The following SMURF2 variants were observed in gnomAD, a reference collection of about 807,000 sequenced individuals.
SMURF2 encodes SMAD specific E3 ubiquitin protein ligase 2, also known as E3 ubiquitin-protein ligase SMURF2.
A neutral mutation model predicts 109.6 loss-of-function variants in SMURF2; 48 were observed. That is an observed-to-expected ratio of 0.44 (90% CI 0.35 to 0.56). SMURF2 has a LOEUF of 0.56. Ranked by LOEUF, SMURF2 falls within the 20% of genes least tolerant of loss-of-function variation. The probability of loss-of-function intolerance (pLI) is 0.01; values close to 1 mark genes in which losing one functional copy is unlikely to be tolerated. For synonymous variants in SMURF2, 288 were observed against 317.1 expected (o/e 0.91, Z 0.97); for missense variants, 575 against 909.0 (o/e 0.63, Z 4.72).
intron 1 of SMURF2, among the ~76,000 whole-genome samples, chr17:64,627,576 C>T (rs1970285151): frequency 6.6e-6 from 1 of 152,164 alleles, no homozygotes; most frequent in South Asian, 2.1e-4. Flanking sequence ...CAGACCTCTC[C>T]CCTAATATCC....
intron 2 of SMURF2, among the ~76,000 whole-genome samples, chr17:64,603,603 T>C (rs1969929681): frequency 6.8e-6 from 1 of 147,450 alleles, no homozygotes; most frequent in African/African-American, 2.5e-5. Context: ...AAAAAAAACA[T>C]AATGAATAAA....
At chr17:64,549,703 A>G (rs1415351830) in intron 16 of SMURF2, among the ~76,000 whole-genome samples, 2 of 152,200 alleles carry the variant, frequency 1.3e-5, no homozygotes, top group East Asian at 3.8e-4. Context: ...GGTTGCGGTA[A>G]GTGGAGATTG....
intron 11 of SMURF2, among the ~76,000 whole-genome samples, chr17:64,561,899 C>G (rs1405606900): frequency 6.6e-6 from 1 of 152,076 alleles, no homozygotes; most frequent in Non-Finnish European, 1.5e-5. Context: ...ACTTGGAAGG[C>G]TAAGGTGGGA....
At position 64,576,451 on chromosome 17, in the gene SMURF2, G is replaced by C. The variant is rs574460964; in HGVS notation, c.857+2041C>G. 3.3e-4 allele frequency among the ~76,000 whole-genome samples: 50 copies of C among 151,848 alleles called. 3 individuals carry two copies. Among genetic ancestry groups the C allele is most frequent in the African/African-American group, 1.2e-3 (49 of 41,296 alleles). ...GGTCGAGGTGAGCAAATCACCTGAG[G>C]TCAGGTGCTCAAGACAAGCCTGGAC... is the stretch of plus-strand genomic sequence containing the variant. On this transcript the variant is annotated intron_variant, in intron 9 of 18. Coordinates refer to ENST00000262435, the MANE Select transcript of SMURF2 (RefSeq NM_022739.4).
chr17:64,548,538 C>T (rs1474442955), intron 16 of SMURF2, among the ~76,000 whole-genome samples: 1 of 152,152 alleles, frequency 6.6e-6, no homozygotes, highest in South Asian at 2.1e-4. Flanking sequence ...CAGGCATGCA[C>T]CACAATGCCC....
At chr17:64,578,784 T>C (rs1969535601) in intron 8 of SMURF2, among the ~76,000 whole-genome samples, 1 of 152,214 alleles carries the variant, frequency 6.6e-6, no homozygotes, top group Admixed American at 6.5e-5. Context: ...CAGCTATCCA[T>C]AAACAAACTA....
Position 64,566,632 on chromosome 17 carries a change from C to A in SMURF2, c.1017-3666G>T, listed in dbSNP as rs1430059874. Among the ~76,000 whole-genome samples the A allele has an allele frequency of 5.1e-5, 6 of 118,032 alleles. No homozygotes were observed. In the South Asian group the frequency reaches 8.8e-4, roughly 17 times the overall value. 77.4% of individuals were successfully genotyped at this position (118,032 alleles called of 152,430 possible). On this transcript the variant is annotated intron_variant, in intron 10 of 18. Coordinates refer to ENST00000262435, the MANE Select transcript of SMURF2 (RefSeq NM_022739.4). ...TGTTGCCCAGGCTGGAGTGCAGTGGCGCAATCTCCGCTCACTGCAACCTCC... is the reference window on the plus strand; with the variant it reads ...TGTTGCCCAGGCTGGAGTGCAGTGGAGCAATCTCCGCTCACTGCAACCTCC...
At chr17:64,562,303 A>AAAAAAC (rs1969232070) in intron 11 of SMURF2, among the ~76,000 whole-genome samples, 1 of 150,028 alleles carries the variant, frequency 6.7e-6, no homozygotes, top group African/African-American at 2.5e-5. Context: ...AAAAAAAAAA[A>AAAAAAC]AAAAAAAAAA....
chr17:64,647,101 CTCT>C (rs1555693038), intron 1 of SMURF2, among the ~76,000 whole-genome samples: 1 of 152,038 alleles, frequency 6.6e-6, no homozygotes, highest in African/African-American at 2.4e-5. Context: ...AGGTCTTAAC[CTCT>C]TCTTAAAATC....
rs1021125980 is a variant in SMURF2 at position 64,662,124 on chromosome 17, G to A, written c.-244C>T. 5.8e-6 allele frequency: 6 copies of A among 1,034,440 alleles called. No individual in the cohort carries two copies. The highest frequency in any genetic ancestry group is 3.5e-5 in the African/African-American group (2 of 57,844). 64.1% of individuals were successfully genotyped at this position (1,034,440 alleles called of 1,614,324 possible). A position where few individuals can be genotyped will look rare whatever the true frequency, so the allele number is the denominator to read the frequency against. ...GCCGCACAACAAAGCGGCAGCCGCG[G>A]CCGCCCGCGCCGCCTCCGCCCGCGC... On this transcript the variant is annotated 5_prime_UTR_variant, in exon 1 of 19. Transcript: ENST00000262435.
chr17:64,565,640 G>T (rs995106759), intron 10 of SMURF2, among the ~76,000 whole-genome samples: 2 of 151,880 alleles, frequency 1.3e-5, no homozygotes, highest in Non-Finnish European at 2.9e-5. Flanking sequence ...TAGTCAGACT[G>T]GGTGGATTCA....
chr17:64,583,425 G>T (rs782364361), intron 7 of SMURF2, 36 bp downstream of exon 7: 1 of 1,533,024 alleles, frequency 6.5e-7, no homozygotes, highest in South Asian at 1.1e-5. Flanking sequence ...GAGGGTGGCT[G>T]GCATAGATCA....
chr17:64,569,468 G>T (rs1282278617), intron 10 of SMURF2, among the ~76,000 whole-genome samples: 1 of 151,894 alleles, frequency 6.6e-6, no homozygotes, highest in Non-Finnish European at 1.5e-5. Flanking sequence ...AACAAAAAAA[G>T]TTGATGCAGC....
Position 64,547,478 on chromosome 17 carries a change from C to A in SMURF2, c.2071+122G>T. ...GAAGAAGGTATCACAATGTGAGAGT[C>A]ACAGATAAGAAGTGAAAAAGAGAAT... is the stretch of plus-strand genomic sequence containing the variant. On this transcript the variant is annotated intron_variant, in intron 17 of 18. Transcript: ENST00000262435. The surrounding 1 kb of genome is among the most constrained non-coding windows in gnomAD (Gnocchi z 4.2). 1 of 787,014 alleles carries A rather than the reference C, an allele frequency of 1.3e-6. No individual in the cohort carries two copies. The highest frequency in any genetic ancestry group is 2.1e-6 in the Non-Finnish European group (1 of 487,450). The allele number at this position is 787,014 out of a possible 1,614,324, so 48.8% of individuals were successfully genotyped here. A position where few individuals can be genotyped will look rare whatever the true frequency, so the allele number is the denominator to read the frequency against.
At chr17:64,644,972 C>T (rs997162285) in intron 1 of SMURF2, among the ~76,000 whole-genome samples, 1 of 151,344 alleles carries the variant, frequency 6.6e-6, no homozygotes, top group Non-Finnish European at 1.5e-5. Flanking sequence ...CACACCACTG[C>T]ACTTCAGCCT....
chr17:64,557,794 AATC>A, intron 12 of SMURF2, 72 bp from the exon 13 acceptor site: 1 of 757,118 alleles, frequency 1.3e-6, no homozygotes, highest in Non-Finnish European at 2.2e-6. Context: ...GTCATTAACT[AATC>A]ATTTTAGCAA....
chr17:64,570,304 G>A (rs1969379652), intron 10 of SMURF2, among the ~76,000 whole-genome samples: 1 of 152,152 alleles, frequency 6.6e-6, no homozygotes, highest in Non-Finnish European at 1.5e-5. Context: ...GACAGAGCAG[G>A]TAATGTCACC....
rs1180983372 is a variant in SMURF2, at chr17:64,593,475, A to G, written c.299T>C (p.Leu100Pro). 2 of 1,610,620 alleles carry G rather than the reference A, an allele frequency of 1.2e-6. No individual in the cohort carries two copies. The highest frequency in any genetic ancestry group is 2.2e-5 in the South Asian group (2 of 90,824). The change falls in exon 4 of 19, where the codon CTT becomes CCT. Residue 100 changes from leucine to proline, a missense_variant. Transcript: ENST00000262435. The stretch of plus-strand genomic sequence containing the variant: ...TTTGAGGCGGTTGATGGCATTGGAA[A>G]GAAGACGAACACAACCGAGAAATCC... ...GAGFLGCVRL[L>P]SNAINRLKDT...
intron 2 of SMURF2, among the ~76,000 whole-genome samples, chr17:64,602,744 C>T (rs1163851980): frequency 2.6e-5 from 4 of 152,056 alleles, no homozygotes; most frequent in Admixed American, 6.6e-5. Flanking sequence ...CTGGCTAACA[C>T]GGTGCAACCA....
Sources: allele counts gnomAD v4.1 joint callset (sites outside exome capture counted in the v4.1 genomes callset), GRCh38; gene constraint gnomAD v4.1.1; non-coding constraint Gnocchi (gnomAD v3.1); transcripts MANE v1.5; gene names NCBI Gene and HGNC (gene_info 2026-07-23, HGNC 2026-07-21).